CDH13: variants seen among roughly 807,000 people sequenced by gnomAD.
CDH13 encodes cadherin-13.
Under a neutral mutation model 63.8 loss-of-function variants are expected in CDH13, and 24 were observed. The observed-to-expected ratio is 0.38, with a 90% CI of 0.27 to 0.53. The LOEUF (loss-of-function observed/expected upper bound fraction) is 0.53, where lower values mean the gene tolerates loss of function less well. Ranked by LOEUF, CDH13 falls within the 20% of genes least tolerant of loss-of-function variation. The pLI, the probability that CDH13 is intolerant of heterozygous loss-of-function variation, is 0.85. For synonymous variants in CDH13, 503 were observed against 355.3 expected (o/e 1.42, Z -4.67); for missense variants, 1,049 against 903.1 (o/e 1.16, Z -2.07).
intron 2 of CDH13, among the ~76,000 whole-genome samples, chr16:82,866,545 T>G (rs1338250748): frequency 1.3e-5 from 2 of 151,928 alleles, no homozygotes; most frequent in Non-Finnish European, 2.9e-5. Flanking sequence ...TGAGCCACCA[T>G]GCCTGGCTAA....
At position 83,342,350 on chromosome 16, in the gene CDH13, AC is replaced by A. The variant is rs1211715316; in HGVS notation, c.637-2510del. On this transcript the variant is annotated intron_variant, in intron 5 of 13. Transcript: ENST00000567109. ...CCATGCTGGGTTATCTTTTCTGCTA[AC>A]CACTGGATACCAGGGTGTTCAGCGT... Among the ~76,000 whole-genome samples the A allele has an allele frequency of 2.0e-5, 3 of 152,150 alleles. No individual in the cohort carries two copies. The East Asian group carries it at 5.8e-4, about 29-fold the overall frequency.
chr16:83,176,538 C>G (rs8060962), intron 4 of CDH13, among the ~76,000 whole-genome samples: 3,675 of 142,398 alleles, frequency 0.026, 149 homozygotes, highest in African/African-American at 0.091. Context: ...AAAAAAAGTC[C>G]TTGTGCATTA....
chr16:83,171,452 C>A (rs2037912010), intron 4 of CDH13: 1 of 1,306,086 alleles, frequency 7.7e-7, no homozygotes, highest in Non-Finnish European at 1.1e-6. Context: ...CAAACCATAT[C>A]AAAAGCTTTT....
At chr16:83,710,759 G>A (rs1054634561) in intron 10 of CDH13, among the ~76,000 whole-genome samples, 8 of 152,150 alleles carry the variant, frequency 5.3e-5, no homozygotes, top group Admixed American at 3.9e-4. Flanking sequence ...GCTTAGCACC[G>A]TGACTGCCAC....
intron 6 of CDH13, among the ~76,000 whole-genome samples, chr16:83,476,500 A>G (rs2073608659): frequency 1.3e-5 from 2 of 152,158 alleles, no homozygotes; most frequent in Non-Finnish European, 2.9e-5. Flanking sequence ...TGGTAAAACC[A>G]TATCTCTACT....
At chr16:83,216,358 T>G (rs1229514521) in intron 4 of CDH13, among the ~76,000 whole-genome samples, 1 of 128,192 alleles carries the variant, frequency 7.8e-6, no homozygotes, top group Non-Finnish European at 1.6e-5. Context: ...GTTTCATCCA[T>G]TAAGTGGAAA....
At chr16:82,877,980 C>CTA in intron 2 of CDH13, among the ~76,000 whole-genome samples, 1 of 150,754 alleles carries the variant, frequency 6.6e-6, no homozygotes, top group African/African-American at 2.4e-5. Context: ...CACACACACT[C>CTA]TATATATGTA....
At chr16:83,665,655 G>A (rs951562061) in intron 8 of CDH13, among the ~76,000 whole-genome samples, 37 of 152,148 alleles carry the variant, frequency 2.4e-4, no homozygotes, top group African/African-American at 8.7e-4. Context: ...AAACTTTAGG[G>A]TTAATGGCTC....
At chr16:83,445,241 T>TTTTATAATTGATAAAAGGTTTTATAAA (rs1567677345) in intron 6 of CDH13, among the ~76,000 whole-genome samples, 1 of 56,528 alleles carries the variant, frequency 1.8e-5, no homozygotes. Flanking sequence ...GAGTTTATAA[T>TTTTATAATTGATAAAAGGTTTTATAAA]TTATAAAAGC....
chr16:83,507,905 G>T (rs957914095), intron 7 of CDH13, among the ~76,000 whole-genome samples: 1 of 151,240 alleles, frequency 6.6e-6, no homozygotes, highest in Non-Finnish European at 1.5e-5. Context: ...GGTGGCGGGC[G>T]CCTGTAATTC....
chr16:83,193,678 C>G (rs908407322), intron 4 of CDH13, among the ~76,000 whole-genome samples: 1 of 152,202 alleles, frequency 6.6e-6, no homozygotes, highest in African/African-American at 2.4e-5. Flanking sequence ...ATCGTTACAT[C>G]TGCTCTTCTA....
intron 5 of CDH13, among the ~76,000 whole-genome samples, chr16:83,305,250 CACTTT>C (rs948902971): frequency 3.3e-5 from 5 of 152,146 alleles, no homozygotes; most frequent in African/African-American, 7.2e-5. Flanking sequence ...TTGATGACTT[CACTTT>C]ACTTAAGCAT....
chr16:83,627,705 T>C (rs564721855), intron 8 of CDH13, among the ~76,000 whole-genome samples: 2 of 152,222 alleles, frequency 1.3e-5, no homozygotes, highest in South Asian at 4.1e-4. Flanking sequence ...TACACGCCAC[T>C]GTTACCGGAA....
chr16:83,260,104 A>G (rs1166978236), intron 5 of CDH13, among the ~76,000 whole-genome samples: 3 of 103,918 alleles, frequency 2.9e-5, no homozygotes, highest in African/African-American at 1.1e-4. Context: ...CAATACACAC[A>G]CACACACACA....
At chr16:83,102,184 A>G (rs1391790933) in intron 3 of CDH13, among the ~76,000 whole-genome samples, 1 of 152,200 alleles carries the variant, frequency 6.6e-6, no homozygotes, top group African/African-American at 2.4e-5. Context: ...TCTGGTGTAC[A>G]TCTTCCAGAA....
intron 4 of CDH13, among the ~76,000 whole-genome samples, chr16:83,205,463 T>A (rs1021896157): frequency 2.0e-5 from 3 of 152,170 alleles, no homozygotes; most frequent in African/African-American, 7.2e-5. Flanking sequence ...AAAATGAGGT[T>A]CATAGAGTTT....
chr16:83,028,297 A>G (rs908312532), intron 2 of CDH13, among the ~76,000 whole-genome samples: 1 of 152,242 alleles, frequency 6.6e-6, no homozygotes. Context: ...TGTTCAATTC[A>G]TCTGGGCTAC....
At chr16:83,007,550 C>T (rs1489051205) in intron 2 of CDH13, among the ~76,000 whole-genome samples, 3 of 152,146 alleles carry the variant, frequency 2.0e-5, no homozygotes, top group African/African-American at 4.8e-5. Context: ...TGTCTTAAGG[C>T]CGGGCTCAGT....
chr16:83,406,066 G>A (rs555386051), intron 6 of CDH13, among the ~76,000 whole-genome samples: 2 of 152,122 alleles, frequency 1.3e-5, no homozygotes, highest in South Asian at 4.1e-4. Flanking sequence ...TTCTTTGCCA[G>A]CACATAGTAG....
Sources: gnomAD v4.1 joint callset for allele counts (sites outside exome capture counted in the v4.1 genomes callset) on GRCh38, gnomAD v4.1.1 for gene constraint, MANE v1.5 for transcripts, NCBI Gene and HGNC (gene_info 2026-07-23, HGNC 2026-07-21) for gene names.